The following NOVA1 variants were observed in gnomAD, a reference collection of about 807,000 sequenced individuals.
NOVA1 encodes the protein RNA-binding protein Nova-1.
In NOVA1, 7 loss-of-function variants were observed where a neutral mutation model predicts 38.0. That is an observed-to-expected ratio of 0.18 (90% CI 0.10 to 0.35). NOVA1 has a LOEUF of 0.35. Among genes scored for constraint, NOVA1 ranks in the 10% least tolerant of loss-of-function variants. The pLI is 1.00. For synonymous variants in NOVA1, 270 were observed against 232.5 expected, an observed-to-expected ratio of 1.16 and a Z score of -1.47; for missense variants, 460 against 616.0, an observed-to-expected ratio of 0.75 and a Z score of 2.68.
chr14:26,522,812 T>C (rs1566501439), intron 2 of NOVA1, among the ~76,000 whole-genome samples: 1 of 152,146 alleles, frequency 6.6e-6, no homozygotes, highest in Non-Finnish European at 1.5e-5. Flanking sequence ...CACAAGGTAC[T>C]TGGTGAATAA....
intron 2 of NOVA1, among the ~76,000 whole-genome samples, chr14:26,583,673 G>A (rs1429084679): frequency 6.6e-6 from 1 of 151,310 alleles, no homozygotes; most frequent in Admixed American, 6.6e-5. Flanking sequence ...ATCTGAATTT[G>A]ATAAGGGTAT....
chr14:26,596,952 C>G (rs935813322), intron 1 of NOVA1: 43 of 1,206,170 alleles, frequency 3.6e-5, no homozygotes, highest in Non-Finnish European at 4.5e-5. Flanking sequence ...CACCTCACTC[C>G]GGGGTCATCC....
chr14:26,545,746 CT>C (rs1229331717), intron 2 of NOVA1, among the ~76,000 whole-genome samples: 1 of 152,094 alleles, frequency 6.6e-6, no homozygotes, highest in East Asian at 1.9e-4. Flanking sequence ...GCAATTTACA[CT>C]TGATTAATAG....
chr14:26,480,138 T>C lies in NOVA1; in HGVS notation c.286A>G (p.Thr96Ala). ...CCCTGGATCAAGCACACTCGCTCAG[T>C]AGTACCTGTGGATAAAACATTGATT... is the stretch of plus-strand genomic sequence containing the variant. Reference protein sequence around the residue: ...SKSKDFYPGTTERVCLIQGTV... With the variant: ...SKSKDFYPGTAERVCLIQGTV... Residue 96 changes from threonine (T) to alanine (A), a missense_variant, in exon 3 of 5, where the codon ACT (threonine) becomes GCT (alanine). Coordinates refer to ENST00000539517, the MANE Select transcript of NOVA1 (RefSeq NM_002515.3). The C allele has an allele frequency of 1.9e-6, 3 of 1,607,956 alleles. No homozygotes were observed. Among genetic ancestry groups the C allele is most frequent in the Non-Finnish European group, 1.7e-6 (2 of 1,177,196 alleles).
intron 3 of NOVA1, among the ~76,000 whole-genome samples, chr14:26,475,329 G>T (rs2138269575): frequency 6.6e-6 from 1 of 152,226 alleles, no homozygotes; most frequent in South Asian, 2.1e-4. Context: ...ACTGCACCTG[G>T]CCTGTTGCCT....
chr14:26,568,448 T>C (rs1322367596), intron 2 of NOVA1: 3 of 152,158 alleles, frequency 2.0e-5, no homozygotes, highest in Admixed American at 6.5e-5. Flanking sequence ...ATAATAGACG[T>C]ATATATTTCC....
chr14:26,502,418 C>A (rs987575420), intron 2 of NOVA1, among the ~76,000 whole-genome samples: 8 of 151,622 alleles, frequency 5.3e-5, no homozygotes, highest in African/African-American at 1.9e-4. Context: ...AATATAAATC[C>A]ATTTTTTACT....
intron 4 of NOVA1, among the ~76,000 whole-genome samples, chr14:26,458,265 T>C (rs1166193525): frequency 6.6e-6 from 1 of 152,134 alleles, no homozygotes; most frequent in Non-Finnish European, 1.5e-5. Flanking sequence ...GAAAGCAGTG[T>C]GGAGATTTCT....
chr14:26,528,330 A>G (rs1349662108), intron 2 of NOVA1, among the ~76,000 whole-genome samples: 1 of 152,176 alleles, frequency 6.6e-6, no homozygotes, highest in African/African-American at 2.4e-5. Context: ...CTCCTATGGT[A>G]TCTCCAATGT....
intron 2 of NOVA1, among the ~76,000 whole-genome samples, chr14:26,573,561 G>A (rs1199957331): frequency 1.3e-5 from 2 of 151,816 alleles, no homozygotes; most frequent in African/African-American, 4.8e-5. Context: ...GATAAAGGGG[G>A]GCATGATAAA....
rs116426183 is a variant in NOVA1, at chr14:26,515,437, A to G, written c.281-35294T>C. On this transcript the variant is annotated intron_variant, in intron 2 of 4. Transcript: ENST00000539517. ...ATATAAACTTTATTTTCTTACATTC[A>G]CTAGTAGTCGTCAATTGTCAGGCAC... 4.6e-3 allele frequency among the ~76,000 whole-genome samples: 698 copies of G among 152,112 alleles called. 7 individuals carry two copies. The highest frequency in any genetic ancestry group is 0.016 in the African/African-American group (674 of 41,566).
At chr14:26,510,484 C>T (rs966236311) in intron 2 of NOVA1, among the ~76,000 whole-genome samples, 7 of 152,112 alleles carry the variant, frequency 4.6e-5, no homozygotes, top group Admixed American at 2.0e-4. Context: ...ATAAAGGAAA[C>T]TTAAAAGTTG....
intron 2 of NOVA1, among the ~76,000 whole-genome samples, chr14:26,578,015 A>C (rs1307577051): frequency 6.6e-6 from 1 of 152,030 alleles, no homozygotes; most frequent in Non-Finnish European, 1.5e-5. Flanking sequence ...AAAAAACAGC[A>C]AAAGAAATAT....
At chr14:26,516,954 A>G (rs1341519455) in intron 2 of NOVA1, among the ~76,000 whole-genome samples, 2 of 142,256 alleles carry the variant, frequency 1.4e-5, no homozygotes, top group Non-Finnish European at 1.5e-5. Context: ...TGCCCAGGCT[A>G]AAGTGCAGTG....
intron 3 of NOVA1, among the ~76,000 whole-genome samples, chr14:26,474,875 T>C (rs1321972476): frequency 1.3e-5 from 2 of 151,972 alleles, no homozygotes; most frequent in Non-Finnish European, 2.9e-5. Context: ...CTATTATTCA[T>C]ATAAATACTT....
At chr14:26,491,671 C>G (rs1461023518) in intron 2 of NOVA1, among the ~76,000 whole-genome samples, 1 of 152,150 alleles carries the variant, frequency 6.6e-6, no homozygotes, top group Non-Finnish European at 1.5e-5. Context: ...ATGTGGAAAT[C>G]CAGGTGTCCC....
chr14:26,504,035 C>T (rs985848850), intron 2 of NOVA1, among the ~76,000 whole-genome samples: 8 of 152,028 alleles, frequency 5.3e-5, no homozygotes, highest in African/African-American at 1.7e-4. Context: ...CATTGTAAAA[C>T]ATGACATTTT....
intron 2 of NOVA1, among the ~76,000 whole-genome samples, chr14:26,529,733 G>A (rs577827361): frequency 7.2e-5 from 11 of 152,008 alleles, no homozygotes; most frequent in Non-Finnish European, 1.6e-4. Flanking sequence ...GGGTATAGTG[G>A]CACACTATAA....
intron 4 of NOVA1, among the ~76,000 whole-genome samples, chr14:26,450,369 T>C (rs534660259): frequency 7.4e-6 from 1 of 134,606 alleles, no homozygotes; most frequent in South Asian, 2.7e-4. Flanking sequence ...CACAAATATA[T>C]TTACACATAT....
Sources: gnomAD v4.1 joint callset for allele counts (sites outside exome capture counted in the v4.1 genomes callset) on GRCh38, gnomAD v4.1.1 for gene constraint, MANE v1.5 for transcripts, NCBI Gene and HGNC (gene_info 2026-07-23, HGNC 2026-07-21) for gene names.